Variants in KCNIP1 observed in about 807,000 individuals in gnomAD.
The protein encoded by KCNIP1 is potassium voltage-gated channel interacting protein 1.
Under a neutral mutation model 33.0 loss-of-function variants are expected in KCNIP1, and 18 were observed. That is an observed-to-expected ratio of 0.55 (90% confidence interval 0.38 to 0.81). KCNIP1 has a LOEUF of 0.81. Among genes scored for constraint, KCNIP1 ranks in the 30% least tolerant of loss-of-function variants. KCNIP1 has a pLI of 0.00. For synonymous variants in KCNIP1, 93 were observed against 98.3 expected, an observed-to-expected ratio of 0.95 and a Z score of 0.32; for missense variants, 238 against 271.6, an observed-to-expected ratio of 0.88 and a Z score of 0.87.
At chr5:170,633,682 A>AG (rs1407523133) in intron 1 of KCNIP1, among the ~76,000 whole-genome samples, 3 of 107,818 alleles carry the variant, frequency 2.8e-5, no homozygotes, top group Non-Finnish European at 3.8e-5. Context: ...GGGCGGAAGG[A>AG]GGGGGCGGGG....
intron 1 of KCNIP1, among the ~76,000 whole-genome samples, chr5:170,445,284 C>T (rs1756086723): frequency 6.6e-6 from 1 of 151,516 alleles, no homozygotes; most frequent in South Asian, 2.1e-4. Context: ...GCCTCAGATG[C>T]ATGTGGATGC....
At chr5:170,452,204 G>A (rs1364959702) in intron 1 of KCNIP1, among the ~76,000 whole-genome samples, 1 of 152,208 alleles carries the variant, frequency 6.6e-6, no homozygotes, top group Non-Finnish European at 1.5e-5. Context: ...TCTGACAGTG[G>A]TTGGGTAATG....
At chr5:170,506,378 A>G (rs1039880604) in intron 1 of KCNIP1, among the ~76,000 whole-genome samples, 1 of 152,196 alleles carries the variant, frequency 6.6e-6, no homozygotes, top group African/African-American at 2.4e-5. Context: ...ACTCTGCCTC[A>G]TATACTGTGT....
rs79028403 is a variant in KCNIP1, at chr5:170,556,661, C to T, written c.61+52028C>T. ...AAGCAGGCTAGAGCCAGCTGCACAGCTCTGACAATCTAAAGTGTCTCTTCC... is the reference window on the plus strand; with the variant it reads ...AAGCAGGCTAGAGCCAGCTGCACAGTTCTGACAATCTAAAGTGTCTCTTCC... On this transcript the variant is annotated intron_variant, in intron 1 of 7. Transcript: ENST00000328939. Among the ~76,000 whole-genome samples, 361 of 152,344 alleles carry T rather than the reference C, an allele frequency of 2.4e-3. 3 individuals are homozygous for T. Among genetic ancestry groups the T allele is most frequent in the African/African-American group, 8.2e-3 (339 of 41,576 alleles).
At chr5:170,651,148 C>T (rs961964111) in intron 1 of KCNIP1, among the ~76,000 whole-genome samples, 1 of 152,078 alleles carries the variant, frequency 6.6e-6, no homozygotes, top group Non-Finnish European at 1.5e-5. Flanking sequence ...GGTCTCATGG[C>T]GACAACTCTG....
At chr5:170,449,487 G>C (rs912956335) in intron 1 of KCNIP1, among the ~76,000 whole-genome samples, 4 of 152,218 alleles carry the variant, frequency 2.6e-5, no homozygotes, top group African/African-American at 9.6e-5. Flanking sequence ...AATCGGGCAG[G>C]TCCTGAATCA....
intron 1 of KCNIP1, among the ~76,000 whole-genome samples, chr5:170,577,908 T>C (rs1757658783): frequency 6.6e-6 from 1 of 152,256 alleles, no homozygotes; most frequent in Non-Finnish European, 1.5e-5. Context: ...ACGAATTTTT[T>C]AATCAATCAC....
chr5:170,394,634 T>C (rs1265892582), intron 1 of KCNIP1, among the ~76,000 whole-genome samples: 1 of 152,208 alleles, frequency 6.6e-6, no homozygotes, highest in South Asian at 2.1e-4. Context: ...GGGATACACG[T>C]GCAGGTTTGT....
chr5:170,598,385 G>T (rs181075260), intron 1 of KCNIP1, among the ~76,000 whole-genome samples: 1 of 152,306 alleles, frequency 6.6e-6, no homozygotes, highest in African/African-American at 2.4e-5. Context: ...CTGAGTCCAT[G>T]TTTGGTGAAT....
At chr5:170,491,940 G>A (rs556459683) in intron 1 of KCNIP1, among the ~76,000 whole-genome samples, 3 of 152,334 alleles carry the variant, frequency 2.0e-5, no homozygotes, top group South Asian at 4.1e-4. Flanking sequence ...CTCTAGAGGA[G>A]CCCTTGTTTT....
chr5:170,612,654 G>A (rs1198042845), intron 1 of KCNIP1, among the ~76,000 whole-genome samples: 1 of 151,482 alleles, frequency 6.6e-6, no homozygotes, highest in Non-Finnish European at 1.5e-5. Flanking sequence ...TAATGGAGTG[G>A]AGTCCCGTTG....
At chr5:170,693,064 G>A (rs1270128335) in intron 1 of KCNIP1, among the ~76,000 whole-genome samples, 7 of 152,204 alleles carry the variant, frequency 4.6e-5, no homozygotes, top group East Asian at 3.9e-4. Context: ...TAGAAATTTG[G>A]TGTCCCCACC....
At chr5:170,474,383 C>T (rs1427223215) in intron 1 of KCNIP1, among the ~76,000 whole-genome samples, 3 of 152,128 alleles carry the variant, frequency 2.0e-5, no homozygotes, top group Non-Finnish European at 2.9e-5. Context: ...TGGGAACCCC[C>T]GCCCCCCATA....
At chr5:170,592,549 C>A (rs1162490258) in intron 1 of KCNIP1, among the ~76,000 whole-genome samples, 1 of 147,620 alleles carries the variant, frequency 6.8e-6, no homozygotes, top group East Asian at 2.0e-4. Context: ...TGCTCTCCTG[C>A]CTGTCCCATC....
At chr5:170,378,877 A>G (rs1420550468) in intron 1 of KCNIP1, 1 of 1,614,240 alleles carries the variant, frequency 6.2e-7, no homozygotes, top group East Asian at 2.2e-5. Flanking sequence ...GCGGAGAAGC[A>G]GTAGAAGACC....
chr5:170,564,313 G>A (rs535516171), intron 1 of KCNIP1, among the ~76,000 whole-genome samples: 3 of 152,154 alleles, frequency 2.0e-5, no homozygotes, highest in East Asian at 1.9e-4. Flanking sequence ...ATCTTCTCCC[G>A]CCTCTGCTCA....
chr5:170,713,661 T>A (rs1179528469), intron 1 of KCNIP1, among the ~76,000 whole-genome samples: 1 of 152,212 alleles, frequency 6.6e-6, no homozygotes, highest in Non-Finnish European at 1.5e-5. Flanking sequence ...AAGATACATT[T>A]TACAGGTCAA....
intron 1 of KCNIP1, among the ~76,000 whole-genome samples, chr5:170,475,644 G>A (rs1756841066): frequency 6.6e-6 from 1 of 152,214 alleles, no homozygotes; most frequent in Non-Finnish European, 1.5e-5. Context: ...TGTTCTGGAT[G>A]CTGCTCCAAA....
chr5:170,641,900 G>A (rs565098622), intron 1 of KCNIP1, among the ~76,000 whole-genome samples: 1 of 152,284 alleles, frequency 6.6e-6, no homozygotes, highest in South Asian at 2.1e-4. Context: ...CCTCGTCCTC[G>A]GTGGCATGCA....
Sources: allele counts gnomAD v4.1 joint callset (sites outside exome capture counted in the v4.1 genomes callset), GRCh38; gene constraint gnomAD v4.1.1; transcripts MANE v1.5; gene names NCBI Gene and HGNC (gene_info 2026-07-23, HGNC 2026-07-21).